The following PLA2G4F variants were observed in gnomAD, a reference collection of about 807,000 sequenced individuals.
The protein encoded by PLA2G4F is phospholipase A2 group IVF, also known as cytosolic phospholipase A2 zeta.
A neutral mutation model predicts 103.1 loss-of-function variants in PLA2G4F; 105 were observed. The observed-to-expected ratio is 1.02, with a 90% CI of 0.87 to 1.20. PLA2G4F has a LOEUF of 1.20. PLA2G4F is among the 50% of genes most tolerant of loss of function. The pLI, the probability that PLA2G4F is intolerant of heterozygous loss-of-function variation, is 0.00. For synonymous variants in PLA2G4F, 468 were observed against 441.1 expected (o/e 1.06, Z -0.76); for missense variants, 1,155 against 1,075.9 (o/e 1.07, Z -1.03).
rs2048814436 is a variant in PLA2G4F, at chr15:42,139,947, C to T, written c.*2037G>A. ...TGCCTCCTTCACAAGCCTTGCTGGC[C>T]TGCGGGGACAGACGCTGGCCTCTGC... On this transcript the variant is annotated 3_prime_UTR_variant, in exon 20 of 20. Coordinates refer to ENST00000397272, the MANE Select transcript of PLA2G4F (RefSeq NM_213600.4). The T allele has an allele frequency of 6.6e-6, 1 of 152,296 alleles. No individual in the cohort carries two copies. Among genetic ancestry groups the T allele is most frequent in the African/African-American group, 2.4e-5 (1 of 41,460 alleles). 9.4% of individuals were successfully genotyped at this position (152,296 alleles called of 1,614,324 possible).
intron 7 of PLA2G4F, chr15:42,151,778 G>T: frequency 3.2e-6 from 2 of 620,194 alleles, no homozygotes; most frequent in Non-Finnish European, 4.0e-6. Flanking sequence ...GAGAAGCGGA[G>T]TGTCACCGAC....
intron 6 of PLA2G4F, 25 bp from the exon 7 acceptor site, chr15:42,152,779 A>T (rs988564577): frequency 6.4e-7 from 1 of 1,550,610 alleles, no homozygotes; most frequent in Non-Finnish European, 8.7e-7. Context: ...GGCCTGTAGG[A>T]GCCAGACAGC....
chr15:42,150,099 C>A lies in PLA2G4F; in HGVS notation c.923+5G>T. ...AAGAGGCCTTCTGCCTGGAGTCCCACTCACCTCATTTCCACCTTCATGCTC... is the reference window on the plus strand; with the variant it reads ...AAGAGGCCTTCTGCCTGGAGTCCCAATCACCTCATTTCCACCTTCATGCTC... On this transcript the variant is annotated splice_donor_5th_base_variant and intron_variant, in intron 10 of 19. Transcript: ENST00000397272. 8 of 1,614,202 alleles carry A rather than the reference C, an allele frequency of 5.0e-6. No homozygotes were observed. Among genetic ancestry groups the A allele is most frequent in the Non-Finnish European group, 5.1e-6 (6 of 1,180,028 alleles).
chr15:42,145,560 G>T lies in PLA2G4F; in HGVS notation c.1780+15C>A. On this transcript the variant is annotated intron_variant, in intron 16 of 19. Transcript: ENST00000397272. ...GGAATGTGGTGTGGGAGGGGCTCGG[G>T]GTCGCTACCCTCACCTGTGATATTC... is the stretch of plus-strand genomic sequence containing the variant. The T allele has an allele frequency of 6.2e-7, 1 of 1,609,974 alleles. No individual in the cohort carries two copies. Among genetic ancestry groups the T allele is most frequent in the East Asian group, 2.2e-5 (1 of 44,822 alleles).
Position 42,140,291 on chromosome 15 carries a change from G to A in PLA2G4F, c.*1693C>T, listed in dbSNP as rs768128769. ...GTAGAATGACTTTCTAGGAGCCAGA[G>A]ACAGCCTGAGGCTCTAATGGGCACT... On this transcript the variant is annotated 3_prime_UTR_variant, in exon 20 of 20. Transcript: ENST00000397272. 2 of 152,290 alleles carry A rather than the reference G, an allele frequency of 1.3e-5. No homozygotes were observed. Among genetic ancestry groups the A allele is most frequent in the Admixed American group, 6.5e-5 (1 of 15,294 alleles). 9.4% of individuals were successfully genotyped at this position (152,290 alleles called of 1,614,324 possible).
chr15:42,150,992 G>C (rs1257031648), intron 7 of PLA2G4F: 2 of 985,326 alleles, frequency 2.0e-6, no homozygotes, highest in Admixed American at 6.1e-5. Context: ...ACTGGGACTC[G>C]GGAAGGGTGG....
chr15:42,154,404 G>C lies in PLA2G4F; in HGVS notation c.239C>G (p.Pro80Arg), dbSNP rs1207644727. ...GTTGGCCACTATCCTAGTCTGGGCA[G>C]GGCTTGGGGACGCCGTGGGCAGCCA... ...QLWLPTASPSPAQTRIVANCS... is the reference protein window; with the variant it reads ...QLWLPTASPSRAQTRIVANCS... The change falls in exon 3 of 20, where the codon CCT becomes CGT. Residue 80 changes from proline to arginine, a missense_variant. By Grantham distance (103) the Pro-to-Arg change is moderately radical (BLOSUM62 -2). Coordinates refer to ENST00000397272, the MANE Select transcript of PLA2G4F (RefSeq NM_213600.4). 3 of 1,610,720 alleles carry C rather than the reference G, an allele frequency of 1.9e-6. No homozygotes were observed. Among genetic ancestry groups the C allele is most frequent in the Non-Finnish European group, 2.5e-6 (3 of 1,177,674 alleles).
chr15:42,153,519 C>G lies in PLA2G4F; in HGVS notation c.491+101G>C. The stretch of plus-strand genomic sequence containing the variant: ...CAAGACCAGGCCATTGCCTCCAGGC[C>G]AGGCCTCCAAGGCCAGTGCAGGACA... On this transcript the variant is annotated intron_variant, in intron 5 of 19. Coordinates refer to ENST00000397272, the MANE Select transcript of PLA2G4F (RefSeq NM_213600.4). 2.0e-6 allele frequency: 3 copies of G among 1,531,164 alleles called. No individual in the cohort carries two copies. The African/African-American group carries it at 4.1e-5, about 21-fold the overall frequency. The allele number at this position is 1,531,164 out of a possible 1,614,324, so 94.8% of individuals were successfully genotyped here. A position where few individuals can be genotyped will look rare whatever the true frequency, so the allele number is the denominator to read the frequency against.
chr15:42,154,919 G>A (rs1293940886), intron 2 of PLA2G4F, among the ~76,000 whole-genome samples: 2 of 151,988 alleles, frequency 1.3e-5, no homozygotes, highest in African/African-American at 2.4e-5. Context: ...GTCAGCACCA[G>A]TCCCTCCACC....
At position 42,144,491 on chromosome 15, in the gene PLA2G4F, T is replaced by A; in HGVS notation, c.1934A>T (p.His645Leu). 1 of 1,612,220 alleles carries A rather than the reference T, an allele frequency of 6.2e-7. No individual in the cohort carries two copies. Among genetic ancestry groups the A allele is most frequent in the Non-Finnish European group, 8.5e-7 (1 of 1,179,978 alleles). ...SFNFTRGLCL[H>L]KDYVAGREFV... The stretch of plus-strand genomic sequence containing the variant: ...CTCCCTGCCAGCCACATAGTCCTTG[T>A]GCAAGCAGAGACCCCGGGTGAAGTT... The change falls in exon 17 of 20, where the codon CAC becomes CTC. Residue 645 changes from histidine (H) to leucine (L), a missense_variant. This residue lies in a region of PLA2G4F where 782 missense variants were observed against 692.9 expected (regional missense o/e 1.13). Coordinates refer to ENST00000397272, the MANE Select transcript of PLA2G4F (RefSeq NM_213600.4).
intron 18 of PLA2G4F, 34 bp downstream of exon 18, chr15:42,143,944 C>T (rs768626391): frequency 9.6e-6 from 15 of 1,567,488 alleles, no homozygotes; most frequent in Non-Finnish European, 1.3e-5. Context: ...CCACTCACTG[C>T]AGGTGCTCCC....
At chr15:42,151,032 A>C in intron 7 of PLA2G4F, 1 of 985,396 alleles carries the variant, frequency 1.0e-6, no homozygotes, top group Non-Finnish European at 1.2e-6. Flanking sequence ...AGGGGAAGGC[A>C]GGGAGCGGGG....
intron 1 of PLA2G4F, among the ~76,000 whole-genome samples, 169 bp downstream of exon 1, chr15:42,156,270 C>A (rs966000701): frequency 3.5e-4 from 53 of 152,314 alleles, no homozygotes; most frequent in African/African-American, 1.3e-3. Context: ...TCGGAGGGAG[C>A]TATTTTTAAG....
Position 42,150,357 on chromosome 15 carries a change from C to G in PLA2G4F, c.885+16G>C. The G allele has an allele frequency of 1.3e-6, 2 of 1,593,966 alleles. No individual in the cohort carries two copies. Among genetic ancestry groups the G allele is most frequent in the Non-Finnish European group, 8.5e-7 (1 of 1,170,022 alleles). The stretch of plus-strand genomic sequence containing the variant: ...GAGCAGGCAGGGGTCCCTCTGGCAC[C>G]CAGACAGAGCCTTACCTCCCCCAGG... On this transcript the variant is annotated intron_variant, in intron 9 of 19. Transcript: ENST00000397272.
chr15:42,149,672 T>C, intron 11 of PLA2G4F, 41 bp downstream of exon 11: 1 of 1,611,962 alleles, frequency 6.2e-7, no homozygotes, highest in Non-Finnish European at 8.5e-7. Context: ...CTTGATTTAG[T>C]CCTAGAGGCT....
At position 42,154,377 on chromosome 15, in the gene PLA2G4F, C is replaced by T. The variant is rs551668647; in HGVS notation, c.266G>A (p.Cys89Tyr). The T allele has an allele frequency of 1.1e-5, 18 of 1,612,312 alleles. No homozygotes were observed. The South Asian group carries it at 1.8e-4, about 16-fold the overall frequency. The change falls in exon 3 of 20, where the codon TGC (cysteine) becomes TAC (tyrosine). Residue 89 changes from cysteine (C) to tyrosine (Y), a missense_variant. By Grantham distance (194) the Cys-to-Tyr change is radical. Around this residue, in one of 3 missense-constraint regions of PLA2G4F, gnomAD observed 370 missense variants for 364.9 expected, o/e 1.01. Coordinates refer to ENST00000397272, the MANE Select transcript of PLA2G4F (RefSeq NM_213600.4). The stretch of plus-strand genomic sequence containing the variant: ...GGTCTCATTCCACTCGGGGTCACTG[C>T]AGTTGGCCACTATCCTAGTCTGGGC... ...SPAQTRIVAN[C>Y]SDPEWNETFH...
chr15:42,144,738 G>A (rs1464216746), intron 16 of PLA2G4F, 94 bp from the exon 17 acceptor site: 2 of 1,256,546 alleles, frequency 1.6e-6, no homozygotes, highest in Non-Finnish European at 2.1e-6. Flanking sequence ...CCCCAACAGT[G>A]AGCCCTCCCC....
rs780995247 is a variant in PLA2G4F, at chr15:42,144,083, C to T, written c.2037G>A (p.Val679=). The T allele has an allele frequency of 6.2e-7, 1 of 1,614,118 alleles. No individual in the cohort carries two copies. Among genetic ancestry groups the T allele is most frequent in the South Asian group, 1.1e-5 (1 of 91,070 alleles). Residue 679 remains valine, a synonymous_variant, in exon 18 of 20, where the codon GTG becomes GTA. Coordinates refer to ENST00000397272, the MANE Select transcript of PLA2G4F (RefSeq NM_213600.4). ...GAGAGTTGATGGCAAAGCCTCCGTC[C>T]ACCAGGTACAGGCAGTCCCGCATGG... The part of the protein sequence containing the change: ...LTPMRDCLYL[V]DGGFAINSPF...
chr15:42,146,994 C>T, intron 13 of PLA2G4F, 130 bp downstream of exon 13: 1 of 921,402 alleles, frequency 1.1e-6, no homozygotes, highest in Admixed American at 2.4e-5. Flanking sequence ...ACACTCCTGG[C>T]CCCAGGGGAG....
Sources: allele counts gnomAD v4.1 joint callset (sites outside exome capture counted in the v4.1 genomes callset), GRCh38; gene constraint gnomAD v4.1.1; regional missense constraint gnomAD v4.1.1; transcripts MANE v1.5; gene names NCBI Gene and HGNC (gene_info 2026-07-23, HGNC 2026-07-21).